CCDC171: variants seen among roughly 807,000 people sequenced by gnomAD.
CCDC171 encodes the protein coiled-coil domain containing 171.
In CCDC171, 177 loss-of-function variants were observed where a neutral mutation model predicts 168.2. The observed-to-expected ratio is 1.05, with a 90% confidence interval of 0.93 to 1.19. The LOEUF (loss-of-function observed/expected upper bound fraction) is 1.19, where lower values mean the gene tolerates loss of function less well. Among genes scored for constraint, CCDC171 ranks in the 50% most tolerant of loss-of-function variants. The pLI is 0.00. For missense variants in CCDC171, 1,991 were observed against 1,539.0 expected, an observed-to-expected ratio of 1.29 and a Z score of -4.91; for synonymous variants, 687 against 540.8, an observed-to-expected ratio of 1.27 and a Z score of -3.75.
At chr9:15,696,653 T>C (rs1204880566) in intron 11 of CCDC171, among the ~76,000 whole-genome samples, 1 of 152,214 alleles carries the variant, frequency 6.6e-6, no homozygotes, top group African/African-American at 2.4e-5. Flanking sequence ...GTATAGCATA[T>C]GCCTCAATAT....
the CCDC171 span, among the ~76,000 whole-genome samples, chr9:16,085,184 A>C: frequency 1.3e-5 from 2 of 151,964 alleles, no homozygotes; most frequent in African/African-American, 4.8e-5. Context: ...ATCTATCGAC[A>C]CTCCATCCAT....
chr9:15,640,269 TC>T (rs2046501660), intron 7 of CCDC171, among the ~76,000 whole-genome samples: 1 of 152,142 alleles, frequency 6.6e-6, no homozygotes, highest in Non-Finnish European at 1.5e-5. Context: ...CAGTTGGACT[TC>T]CTTCCTCTTC....
intron 18 of CCDC171, among the ~76,000 whole-genome samples, chr9:15,763,879 T>C (rs1194549756): frequency 6.6e-6 from 1 of 152,124 alleles, no homozygotes; most frequent in East Asian, 1.9e-4. Context: ...TGAATATTCA[T>C]ATACATGTCT....
At chr9:15,682,142 A>C (rs1564201350) in intron 10 of CCDC171, among the ~76,000 whole-genome samples, 2 of 152,178 alleles carry the variant, frequency 1.3e-5, no homozygotes, top group South Asian at 4.1e-4. Context: ...TTTACTCGTG[A>C]GATCAAGGTG....
chr9:15,880,481 C>T (rs1465966894), intron 24 of CCDC171, among the ~76,000 whole-genome samples: 2 of 140,088 alleles, frequency 1.4e-5, no homozygotes, highest in African/African-American at 2.6e-5. Flanking sequence ...TTTTTTGAGA[C>T]GGAGTCTCTC....
chr9:16,021,281 T>C (rs1833155572), intron 4 of CCDC171, among the ~76,000 whole-genome samples: 1 of 152,126 alleles, frequency 6.6e-6, no homozygotes. Context: ...AGAGACAGGG[T>C]TTCACGATGT....
Position 15,722,278 on chromosome 9 carries a change from A to G in CCDC171, c.1425+403A>G, listed in dbSNP as rs538856213. ...CAGTGTTTTAGGTTAAGATTTCTAC[A>G]AACTGTGGAAGTCTTAATAAAAAAG... is the stretch of plus-strand genomic sequence containing the variant. On this transcript the variant is annotated intron_variant, in intron 12 of 25. Transcript: ENST00000380701. Among the ~76,000 whole-genome samples, 5 of 152,350 alleles carry G rather than the reference A, an allele frequency of 3.3e-5. No individual in the cohort carries two copies. In the South Asian group the frequency reaches 1.0e-3, roughly 32 times the overall value.
At chr9:15,906,699 A>C (rs1029578826) in intron 24 of CCDC171, among the ~76,000 whole-genome samples, 2 of 152,208 alleles carry the variant, frequency 1.3e-5, no homozygotes, top group African/African-American at 4.8e-5. Flanking sequence ...AAGGAAATAA[A>C]GGGTATTCAA....
intron 16 of CCDC171, among the ~76,000 whole-genome samples, chr9:15,741,110 ATATTT>A (rs1175741905): frequency 3.0e-4 from 45 of 152,174 alleles, no homozygotes; most frequent in African/African-American, 1.1e-3. Flanking sequence ...AAGGATATTG[ATATTT>A]TAAATTGTGG....
At chr9:15,606,932 C>T (rs1019454232) in intron 6 of CCDC171, among the ~76,000 whole-genome samples, 1 of 152,092 alleles carries the variant, frequency 6.6e-6, no homozygotes, top group Non-Finnish European at 1.5e-5. Flanking sequence ...AATAAAGATG[C>T]AGGTAGCTTT....
chr9:15,755,660 C>T (rs1449675053), intron 18 of CCDC171, among the ~76,000 whole-genome samples: 2 of 152,074 alleles, frequency 1.3e-5, no homozygotes, highest in African/African-American at 2.4e-5. Flanking sequence ...TGTGAATGAT[C>T]CCTGAAGACA....
chr9:15,876,829 ACT>A (rs775125637), intron 24 of CCDC171, among the ~76,000 whole-genome samples: 5 of 151,836 alleles, frequency 3.3e-5, no homozygotes, highest in Non-Finnish European at 5.9e-5. Context: ...TTGTACTCTG[ACT>A]CTGTACTGAT....
At chr9:15,830,917 C>G (rs1464209328) in intron 21 of CCDC171, among the ~76,000 whole-genome samples, 1 of 150,488 alleles carries the variant, frequency 6.6e-6, no homozygotes, top group Admixed American at 6.6e-5. Flanking sequence ...TTCCTTTTGG[C>G]TGTTCAGCAA....
intron 16 of CCDC171, among the ~76,000 whole-genome samples, chr9:15,737,607 A>G (rs1320419510): frequency 6.6e-6 from 1 of 152,210 alleles, no homozygotes; most frequent in Non-Finnish European, 1.5e-5. Context: ...CGATAAAAAG[A>G]ACTCTGTTCT....
rs993291644 is a variant in CCDC171 at position 15,727,980 on chromosome 9, G to T, written c.1804G>T (p.Val602Phe). ...DKFSWSELCA[V>F]LQENVDALIA... ...ATTCTCTTGGTCTGAGCTTTGTGCA[G>T]TCTTACAGGAGAATGTTGATGCCCT... is the stretch of plus-strand genomic sequence containing the variant. Residue 602 changes from valine (V) to phenylalanine (F), a missense_variant, in exon 15 of 26, where the codon GTC becomes TTC. Transcript: ENST00000380701. 7 of 1,613,114 alleles carry T rather than the reference G, an allele frequency of 4.3e-6. 1 individual carries two copies. Among genetic ancestry groups the T allele is most frequent in the Non-Finnish European group, 5.1e-6 (6 of 1,179,562 alleles).
At chr9:15,783,944 A>G (rs2057801537) in intron 20 of CCDC171, among the ~76,000 whole-genome samples, 1 of 152,156 alleles carries the variant, frequency 6.6e-6, no homozygotes, top group Non-Finnish European at 1.5e-5. Context: ...CTACACCTTT[A>G]TATGTGTGGT....
At chr9:15,719,807 G>C (rs1424242989) in intron 11 of CCDC171, among the ~76,000 whole-genome samples, 1 of 152,086 alleles carries the variant, frequency 6.6e-6, no homozygotes, top group Non-Finnish European at 1.5e-5. Context: ...CAGATTTCCC[G>C]AGTGTCCTTG....
intron 23 of CCDC171, among the ~76,000 whole-genome samples, chr9:15,866,833 A>C (rs1292195036): frequency 6.6e-6 from 1 of 152,002 alleles, no homozygotes; most frequent in Non-Finnish European, 1.5e-5. Context: ...CTGTCTCCTT[A>C]ATTTTTATAT....
At chr9:15,850,104 AAG>A (rs1185601905) in intron 23 of CCDC171, 4 of 151,982 alleles carry the variant, frequency 2.6e-5, no homozygotes, top group Non-Finnish European at 5.9e-5. Flanking sequence ...TTTGCAGTGA[AAG>A]AGACATCTTT....
Sources: allele counts gnomAD v4.1 joint callset (sites outside exome capture counted in the v4.1 genomes callset), GRCh38; gene constraint gnomAD v4.1.1; transcripts MANE v1.5; gene names NCBI Gene and HGNC (gene_info 2026-07-23, HGNC 2026-07-21).